Variants in DLGAP2 observed in about 807,000 individuals in gnomAD.
DLGAP2 encodes the protein DLG associated protein 2, also known as disks large-associated protein 2.
Under a neutral mutation model 100.3 loss-of-function variants are expected in DLGAP2, and 26 were observed. That is an observed-to-expected ratio of 0.26 (90% CI 0.19 to 0.36). DLGAP2 has a LOEUF of 0.36. Among genes scored for constraint, DLGAP2 ranks in the 10% least tolerant of loss-of-function variants. The pLI is 1.00. For missense variants in DLGAP2, 1,858 were observed against 1,453.2 expected (o/e 1.28, Z -4.53); for synonymous variants, 886 against 630.1 (o/e 1.41, Z -6.08).
At chr8:922,169 T>C (rs566938326) in intron 2 of DLGAP2, among the ~76,000 whole-genome samples, 1 of 152,286 alleles carries the variant, frequency 6.6e-6, no homozygotes, top group South Asian at 2.1e-4. Context: ...TTCATGGAAG[T>C]TGGTGGAGGC....
At position 1,172,443 on chromosome 8, in the gene DLGAP2, T is replaced by A. The variant is rs554943574; in HGVS notation, c.74-86408T>A. 2.1e-4 allele frequency among the ~76,000 whole-genome samples: 32 copies of A among 152,158 alleles called. 1 individual carries two copies. The East Asian group carries it at 4.1e-3, about 19-fold the overall frequency. On this transcript the variant is annotated intron_variant, in intron 2 of 14. Coordinates refer to ENST00000637795, the MANE Select transcript of DLGAP2 (RefSeq NM_001346810.2). ...TGAATGTTGGCCTGCCTTGCTAGAT[T>A]GGGGAAGTTCTCCTGGATAATATCC...
At chr8:1,278,277 C>T (rs1420863659) in intron 3 of DLGAP2, among the ~76,000 whole-genome samples, 2 of 152,190 alleles carry the variant, frequency 1.3e-5, no homozygotes, top group Non-Finnish European at 2.9e-5. Context: ...TATATTCTTT[C>T]TAAGATCTCT....
intron 2 of DLGAP2, among the ~76,000 whole-genome samples, chr8:971,169 C>T (rs1030559278): frequency 1.3e-5 from 2 of 152,126 alleles, no homozygotes; most frequent in Non-Finnish European, 2.9e-5. Flanking sequence ...GAACAGCCAA[C>T]GTAGAGGATG....
At chr8:863,377 G>A (rs983563556) in intron 1 of DLGAP2, among the ~76,000 whole-genome samples, 5 of 152,178 alleles carry the variant, frequency 3.3e-5, no homozygotes, top group Non-Finnish European at 7.3e-5. Context: ...AAATATTTAA[G>A]GTTAGCTGTC....
At chr8:942,150 G>A (rs1020131639) in intron 2 of DLGAP2, among the ~76,000 whole-genome samples, 1 of 152,182 alleles carries the variant, frequency 6.6e-6, no homozygotes, top group African/African-American at 2.4e-5. Context: ...GTCTTGCACT[G>A]TTTGCTCAGG....
At chr8:1,038,015 TG>T (rs772431401) in intron 2 of DLGAP2, among the ~76,000 whole-genome samples, 10 of 152,224 alleles carry the variant, frequency 6.6e-5, no homozygotes, top group Admixed American at 1.3e-4. Flanking sequence ...AACTAGAGGC[TG>T]GGAGAGCTGG....
chr8:1,230,000 A>G lies in DLGAP2; in HGVS notation c.74-28851A>G, dbSNP rs148758043. Among the ~76,000 whole-genome samples the G allele has an allele frequency of 5.8e-3, 884 of 152,310 alleles. 5 individuals are homozygous for G. Among genetic ancestry groups the G allele is most frequent in the Middle Eastern group, 0.01 (3 of 294 alleles). On this transcript the variant is annotated intron_variant, in intron 2 of 14. Coordinates refer to ENST00000637795, the MANE Select transcript of DLGAP2 (RefSeq NM_001346810.2). ...CACTCTCACCACTCCTATTCAACAT[A>G]GTGCTGGCCAGAACAATCAGGCAAG...
chr8:1,305,534 T>G (rs1392006589), intron 3 of DLGAP2, among the ~76,000 whole-genome samples: 1 of 152,208 alleles, frequency 6.6e-6, no homozygotes, highest in Non-Finnish European at 1.5e-5. Context: ...GAAGGACGAA[T>G]GCAGGGTGCT....
Position 1,676,528 on chromosome 8 carries a change from A to C in DLGAP2, c.2203-5A>C. ...TCTAAAATAAGACGTTCTCTGTTGA[A>C]TTAGGTGGAAACGGCCACAGATTCT... is the stretch of plus-strand genomic sequence containing the variant. On this transcript the variant is annotated splice_polypyrimidine_tract_variant and splice_region_variant and intron_variant, in intron 10 of 14. Coordinates refer to ENST00000637795, the MANE Select transcript of DLGAP2 (RefSeq NM_001346810.2). 1 of 1,612,464 alleles carries C rather than the reference A, an allele frequency of 6.2e-7. No homozygotes were observed.
At chr8:869,127 C>T (rs1286660869) in intron 1 of DLGAP2, among the ~76,000 whole-genome samples, 1 of 152,184 alleles carries the variant, frequency 6.6e-6, no homozygotes, top group Admixed American at 6.5e-5. Context: ...TGCTTCACGC[C>T]TCTCTTCTTC....
chr8:1,124,636 A>T (rs1796124740), intron 2 of DLGAP2, among the ~76,000 whole-genome samples: 1 of 152,250 alleles, frequency 6.6e-6, no homozygotes, highest in South Asian at 2.1e-4. Context: ...CAAGCAGCTG[A>T]AAACAGGAAA....
chr8:1,185,000 G>C (rs1156254055), intron 2 of DLGAP2, among the ~76,000 whole-genome samples: 1 of 152,140 alleles, frequency 6.6e-6, no homozygotes, highest in African/African-American at 2.4e-5. Context: ...GGAGTGTGGG[G>C]AGCTGTTGAA....
At chr8:947,877 GTGCCAGCCCGTGTGGGCC>G (rs1799368602) in intron 2 of DLGAP2, among the ~76,000 whole-genome samples, 1 of 139,644 alleles carries the variant, frequency 7.2e-6, no homozygotes, top group Non-Finnish European at 1.5e-5. Context: ...CCCCAACCCT[GTGCCAGCCCGTGTGGGCC>G]ATGGCCCCAC....
chr8:1,332,712 C>T (rs966800519), intron 3 of DLGAP2, among the ~76,000 whole-genome samples: 1 of 152,216 alleles, frequency 6.6e-6, no homozygotes, highest in South Asian at 2.1e-4. Context: ...ACGTCTGAGT[C>T]ACTGGTGAGC....
At chr8:1,334,615 C>A (rs544364738) in intron 3 of DLGAP2, among the ~76,000 whole-genome samples, 2 of 152,096 alleles carry the variant, frequency 1.3e-5, no homozygotes, top group Non-Finnish European at 2.9e-5. Flanking sequence ...GAGACATGCA[C>A]CCACCGTGGG....
At chr8:1,371,379 G>T (rs757982469) in intron 3 of DLGAP2, among the ~76,000 whole-genome samples, 1 of 152,220 alleles carries the variant, frequency 6.6e-6, no homozygotes, top group Non-Finnish European at 1.5e-5. Context: ...GTTCAGAGCA[G>T]TTGTCCGCTT....
intron 2 of DLGAP2, among the ~76,000 whole-genome samples, chr8:1,159,457 C>T (rs1011932213): frequency 6.0e-4 from 92 of 152,260 alleles, no homozygotes; most frequent in African/African-American, 2.0e-3. Context: ...ACAATTAATA[C>T]GCAGTTATCA....
chr8:1,392,729 C>T (rs998712439), intron 3 of DLGAP2, among the ~76,000 whole-genome samples: 3 of 152,314 alleles, frequency 2.0e-5, no homozygotes, highest in Admixed American at 2.0e-4. Flanking sequence ...AAGTGCCAGA[C>T]CTTTGCCAGG....
chr8:1,007,975 G>A (rs1221899569), intron 2 of DLGAP2, among the ~76,000 whole-genome samples: 1 of 152,174 alleles, frequency 6.6e-6, no homozygotes, highest in Non-Finnish European at 1.5e-5. Flanking sequence ...CATAAAGAAG[G>A]GGATGTGTTC....
Sources: gnomAD v4.1 joint callset for allele counts (sites outside exome capture counted in the v4.1 genomes callset) on GRCh38, gnomAD v4.1.1 for gene constraint, MANE v1.5 for transcripts, NCBI Gene and HGNC (gene_info 2026-07-23, HGNC 2026-07-21) for gene names.